The following CADM2 variants were observed in gnomAD, a reference collection of about 807,000 sequenced individuals.
CADM2 encodes the protein cell adhesion molecule 2.
Under a neutral mutation model 49.8 loss-of-function variants are expected in CADM2, and 12 were observed. The ratio of observed to expected loss-of-function variants is 0.24; its 90% CI spans 0.15 to 0.39. The LOEUF is 0.39. CADM2 is among the 10% of genes least tolerant of loss of function. The probability of loss-of-function intolerance (pLI) is 1.00; values close to 1 mark genes in which losing one functional copy is unlikely to be tolerated. For synonymous variants in CADM2, 214 were observed against 175.4 expected (o/e 1.22, Z -1.74); for missense variants, 378 against 492.3 (o/e 0.77, Z 2.20).
intron 5 of CADM2, among the ~76,000 whole-genome samples, chr3:85,888,372 G>T (rs1006753836): frequency 4.6e-5 from 7 of 152,110 alleles, no homozygotes; most frequent in African/African-American, 1.4e-4. Flanking sequence ...GGCAGGAGGG[G>T]AAAGATTTTT....
chr3:85,693,566 C>CA (rs562723713), intron 1 of CADM2, among the ~76,000 whole-genome samples: 17,275 of 75,918 alleles, frequency 0.23, 1,741 homozygotes, highest in South Asian at 0.3. Flanking sequence ...GGCGAAAGAG[C>CA]AAAAAAAAAA....
At chr3:85,407,779 T>G (rs1019613732) in intron 1 of CADM2, among the ~76,000 whole-genome samples, 3 of 151,938 alleles carry the variant, frequency 2.0e-5, no homozygotes, top group African/African-American at 7.3e-5. Context: ...GGCCAGGAGT[T>G]CTAGATGAGC....
At chr3:85,824,428 A>G (rs1352123964) in intron 3 of CADM2, among the ~76,000 whole-genome samples, 1 of 125,236 alleles carries the variant, frequency 8.0e-6, no homozygotes, top group African/African-American at 3.0e-5. Flanking sequence ...AAACAAAAAA[A>G]CTCAAGGTGA....
intron 1 of CADM2, among the ~76,000 whole-genome samples, chr3:85,355,313 G>A (rs2031762924): frequency 6.6e-6 from 1 of 151,988 alleles, no homozygotes; most frequent in Non-Finnish European, 1.5e-5. Flanking sequence ...AATAATTTTG[G>A]TTAAAGGTTA....
chr3:85,941,966 T>A (rs1721965171), intron 7 of CADM2, among the ~76,000 whole-genome samples: 1 of 152,140 alleles, frequency 6.6e-6, no homozygotes, highest in African/African-American at 2.4e-5. Flanking sequence ...CTGTAATCGT[T>A]TCAATTTTTT....
chr3:85,209,403 T>C (rs1283725616), intron 1 of CADM2, among the ~76,000 whole-genome samples: 1 of 152,138 alleles, frequency 6.6e-6, no homozygotes, highest in Non-Finnish European at 1.5e-5. Context: ...TCCTGAAAGG[T>C]TAAGTTGATT....
At chr3:85,077,294 T>G (rs527781943) in intron 1 of CADM2, among the ~76,000 whole-genome samples, 4 of 152,284 alleles carry the variant, frequency 2.6e-5, no homozygotes, top group African/African-American at 9.6e-5. Context: ...ACTTTTTTAT[T>G]GGAAAGGGTG....
chr3:85,793,096 G>A (rs568381837), intron 2 of CADM2, among the ~76,000 whole-genome samples: 1 of 152,082 alleles, frequency 6.6e-6, no homozygotes, highest in East Asian at 1.9e-4. Context: ...AAAAAGGTTT[G>A]ACCATTCTTT....
At chr3:85,210,761 CA>C in intron 1 of CADM2, among the ~76,000 whole-genome samples, 1 of 152,056 alleles carries the variant, frequency 6.6e-6, no homozygotes, top group Non-Finnish European at 1.5e-5. Context: ...ATGCTGACCT[CA>C]AACTGCTGAG....
chr3:85,708,672 A>G (rs976892169), intron 1 of CADM2, among the ~76,000 whole-genome samples: 2 of 152,194 alleles, frequency 1.3e-5, no homozygotes, highest in Admixed American at 6.5e-5. Flanking sequence ...AAATGAATCC[A>G]CAAATTAACC....
At chr3:85,976,281 C>T (rs112464574) in intron 8 of CADM2, among the ~76,000 whole-genome samples, 1 of 151,596 alleles carries the variant, frequency 6.6e-6, no homozygotes, top group Non-Finnish European at 1.5e-5. Context: ...GGATTCCAGG[C>T]AGAGCTCTTC....
chr3:85,049,366 T>TA (rs1559634736), intron 1 of CADM2, among the ~76,000 whole-genome samples: 239 of 147,228 alleles, frequency 1.6e-3, no homozygotes, highest in African/African-American at 5.4e-3. Flanking sequence ...TTTATTTATT[T>TA]TTGAGATGGA....
At chr3:85,927,238 T>C (rs1425544534) in intron 6 of CADM2, among the ~76,000 whole-genome samples, 1 of 152,232 alleles carries the variant, frequency 6.6e-6, no homozygotes, top group African/African-American at 2.4e-5. Context: ...AAGACCATTA[T>C]TCATTTATTT....
intron 1 of CADM2, among the ~76,000 whole-genome samples, chr3:84,975,458 G>T (rs2031758639): frequency 6.6e-6 from 1 of 151,462 alleles, no homozygotes; most frequent in Admixed American, 6.6e-5. Flanking sequence ...ATTTTGTAAT[G>T]CCATCTCTGA....
chr3:85,672,945 C>G (rs2065784796), intron 1 of CADM2, among the ~76,000 whole-genome samples: 1 of 152,024 alleles, frequency 6.6e-6, no homozygotes, highest in Admixed American at 6.6e-5. Flanking sequence ...GATATAATAC[C>G]CATGTTTCTG....
At chr3:85,949,668 T>G (rs991168176) in intron 7 of CADM2, among the ~76,000 whole-genome samples, 1 of 151,256 alleles carries the variant, frequency 6.6e-6, no homozygotes, top group African/African-American at 2.4e-5. Context: ...CATTTAATTT[T>G]TCAGCTATCA....
At chr3:85,926,767 GA>G (rs1239490537) in intron 6 of CADM2, among the ~76,000 whole-genome samples, 1 of 152,098 alleles carries the variant, frequency 6.6e-6, no homozygotes, top group Non-Finnish European at 1.5e-5. Flanking sequence ...TGTCAATGAG[GA>G]AAACGATGTG....
chr3:85,355,574 G>T (rs1211789688), intron 1 of CADM2, among the ~76,000 whole-genome samples: 1 of 151,966 alleles, frequency 6.6e-6, no homozygotes, highest in Non-Finnish European at 1.5e-5. Flanking sequence ...TTCTTACTTT[G>T]TGCCAAGCAC....
chr3:85,751,176 A>G (rs2068843843), intron 2 of CADM2, among the ~76,000 whole-genome samples: 1 of 152,102 alleles, frequency 6.6e-6, no homozygotes, highest in Admixed American at 6.6e-5. Flanking sequence ...GGTGGAGGTG[A>G]TAGAAAAGAA....
Sources: gnomAD v4.1 joint callset for allele counts (sites outside exome capture counted in the v4.1 genomes callset) on GRCh38, gnomAD v4.1.1 for gene constraint, MANE v1.5 for transcripts, NCBI Gene and HGNC (gene_info 2026-07-23, HGNC 2026-07-21) for gene names.